Variants in ORC5 observed in about 807,000 individuals in gnomAD.
ORC5 encodes the protein protein phosphatase 1, regulatory subunit 117.
Under a neutral mutation model 58.8 loss-of-function variants are expected in ORC5, and 39 were observed. The ratio of observed to expected loss-of-function variants is 0.66; its 90% CI spans 0.51 to 0.87. The LOEUF is 0.87. Ranked by LOEUF, ORC5 falls within the 40% of genes least tolerant of loss-of-function variation. The pLI is 0.00. For synonymous variants in ORC5, 218 were observed against 177.6 expected, an observed-to-expected ratio of 1.23 and a Z score of -1.81; for missense variants, 493 against 506.3, an observed-to-expected ratio of 0.97 and a Z score of 0.25.
At position 104,207,920 on chromosome 7, in the gene ORC5, CG is replaced by C. The variant is rs143239109; in HGVS notation, c.-17del. 0.017 allele frequency: 27,780 copies of C among 1,613,298 alleles called. 274 individuals are homozygous for C. Among genetic ancestry groups the C allele is most frequent in the Non-Finnish European group, 0.02 (24,109 of 1,179,270 alleles). ...AGTGGGGCATTCTGGCAGGCACCAC[CG>C]CAGAGGCCAGTGCAGCCAGCCCACA... On this transcript the variant is annotated 5_prime_UTR_variant, in exon 1 of 14. Transcript: ENST00000297431.
intron 1 of ORC5, among the ~76,000 whole-genome samples, chr7:104,207,043 T>C (rs1034705884): frequency 1.3e-5 from 2 of 152,192 alleles, no homozygotes; most frequent in African/African-American, 2.4e-5. Flanking sequence ...ATGACTGTAC[T>C]TAAAAAAGCA....
At chr7:104,197,030 CT>C (rs1399504009) in intron 4 of ORC5, among the ~76,000 whole-genome samples, 3 of 152,182 alleles carry the variant, frequency 2.0e-5, no homozygotes, top group Non-Finnish European at 4.4e-5. Context: ...AAGTCCGCCC[CT>C]GTCCTTTTCT....
intron 11 of ORC5, among the ~76,000 whole-genome samples, chr7:104,161,675 T>G (rs1395945800): frequency 6.6e-6 from 1 of 152,066 alleles, no homozygotes; most frequent in East Asian, 1.9e-4. Flanking sequence ...TACCCAGCCA[T>G]GAGCCACCAT....
rs773936634 is a variant in ORC5, at chr7:104,165,269, A to C, written c.1004T>G (p.Ile335Ser). Residue 335 changes from isoleucine to serine, a missense_variant, in exon 11 of 14, where the codon ATC becomes AGC. This residue lies in a region of ORC5 where 412 missense variants were observed against 403.7 expected (regional missense o/e 1.02). Coordinates refer to ENST00000297431, the MANE Select transcript of ORC5 (RefSeq NM_002553.4). Reference protein sequence around the residue: ...KRFFLKHHGKIKKTNFLKKHE... With the variant: ...KRFFLKHHGKSKKTNFLKKHE... The stretch of plus-strand genomic sequence containing the variant: ...TTTTTTTAGAAAGTTGGTTTTCTTG[A>C]TTTTTCCATGATGCTGCAATTAAGG... 2 of 1,531,376 alleles carry C rather than the reference A, an allele frequency of 1.3e-6. No individual in the cohort carries two copies. Among genetic ancestry groups the C allele is most frequent in the Non-Finnish European group, 1.8e-6 (2 of 1,119,208 alleles). 94.9% of individuals were successfully genotyped at this position (1,531,376 alleles called of 1,614,324 possible).
intron 5 of ORC5, among the ~76,000 whole-genome samples, chr7:104,192,651 A>G (rs532156185): frequency 1.3e-5 from 2 of 152,272 alleles, no homozygotes; most frequent in Admixed American, 6.5e-5. Context: ...TACTAGACAC[A>G]TGAAAAAGCA....
In ORC5 at chr7:104,136,788, T is replaced by C. The variant is rs2115751609; in HGVS notation, c.1255A>G (p.Ile419Val). 1 of 1,604,570 alleles carries C rather than the reference T, an allele frequency of 6.2e-7. No individual in the cohort carries two copies. Among genetic ancestry groups the C allele is most frequent in the East Asian group, 2.2e-5 (1 of 44,820 alleles). ...CTVSLDFIRA[I>V]ARTVNFDIIK... is the part of the protein sequence containing the mutation. ...TAATTCAAGACATTTTACCTTGCAA[T>C]AGCTCTGATGAAGTCTAGAGACACT... Residue 419 changes from isoleucine (I) to valine (V), a missense_variant, in exon 13 of 14, where the codon ATT becomes GTT. Physicochemically the swap from Ile to Val is conservative, Grantham distance 29 (BLOSUM62 3). Around this residue, in one of 3 missense-constraint regions of ORC5, gnomAD observed 77 missense variants for 86.1 expected, o/e 0.89. Transcript: ENST00000297431. This position sits in a 1 kb window ranked among gnomAD's most constrained non-coding sequence, Gnocchi z 4.2.
chr7:104,153,231 T>G (rs1433488502), intron 12 of ORC5, among the ~76,000 whole-genome samples: 1 of 152,162 alleles, frequency 6.6e-6, no homozygotes. Flanking sequence ...AGCAGTTTTT[T>G]AAAAAATCTC....
intron 8 of ORC5, among the ~76,000 whole-genome samples, chr7:104,174,064 T>A (rs1394865235): frequency 6.6e-6 from 1 of 151,838 alleles, no homozygotes; most frequent in Non-Finnish European, 1.5e-5. Flanking sequence ...CGGGATGGTC[T>A]CGATCTCCTG....
At chr7:104,150,303 A>G (rs1260093346) in intron 12 of ORC5, among the ~76,000 whole-genome samples, 1 of 152,194 alleles carries the variant, frequency 6.6e-6, no homozygotes, top group Non-Finnish European at 1.5e-5. Flanking sequence ...AATCTGAAAC[A>G]TATTAAATTA....
chr7:104,178,204 C>T (rs955503352), intron 8 of ORC5, among the ~76,000 whole-genome samples: 1 of 152,192 alleles, frequency 6.6e-6, no homozygotes, highest in East Asian at 1.9e-4. Context: ...AAAAGCATTC[C>T]TATTTCTCCA....
Position 104,160,761 on chromosome 7 carries a change from A to G in ORC5, c.1149+311T>C, listed in dbSNP as rs79340571. Among the ~76,000 whole-genome samples the G allele has an allele frequency of 3.7e-4, 56 of 152,232 alleles. No homozygotes were observed. In the East Asian group the frequency reaches 9.8e-3, roughly 27 times the overall value. ...GTTTTCATTAAATTACAATTCATCA[A>G]CTTGGTCATCAAGCCACTTGTTTAA... is the stretch of plus-strand genomic sequence containing the variant. On this transcript the variant is annotated intron_variant, in intron 12 of 13. Transcript: ENST00000297431.
rs757580360 is a variant in ORC5 at position 104,161,121 on chromosome 7, T to A, written c.1100A>T (p.Tyr367Phe). ...AGCAACTCTGCTGTCCACGATACTA[T>A]ATAATATTGCTAATAATCTGTCTAG... ...FPLDRLLAIL[Y>F]SIVDSRVAPT... is the part of the protein sequence containing the mutation. Residue 367 changes from tyrosine to phenylalanine, a missense_variant, in exon 12 of 14, where the codon TAT becomes TTT. Coordinates refer to ENST00000297431, the MANE Select transcript of ORC5 (RefSeq NM_002553.4). 6.2e-7 allele frequency: 1 copy of A among 1,611,030 alleles called. No homozygotes were observed. Among genetic ancestry groups the A allele is most frequent in the Non-Finnish European group, 8.5e-7 (1 of 1,177,456 alleles).
intron 12 of ORC5, among the ~76,000 whole-genome samples, chr7:104,156,902 A>C (rs757884669): frequency 6.6e-6 from 1 of 151,908 alleles, no homozygotes; most frequent in African/African-American, 2.4e-5. Context: ...TAGATATCAC[A>C]GACAGTATTA....
intron 12 of ORC5, among the ~76,000 whole-genome samples, chr7:104,154,290 G>GT (rs1470480379): frequency 6.6e-6 from 1 of 151,950 alleles, no homozygotes; most frequent in African/African-American, 2.4e-5. Context: ...CAAACACTAA[G>GT]TTCAAGGCAT....
In ORC5 at chr7:104,197,708, T is replaced by G; in HGVS notation, c.441+17A>C. 1 of 1,568,874 alleles carries G rather than the reference T, an allele frequency of 6.4e-7. No individual in the cohort carries two copies. The highest frequency in any genetic ancestry group is 8.7e-7 in the Non-Finnish European group (1 of 1,150,662). On this transcript the variant is annotated intron_variant, in intron 4 of 13. Coordinates refer to ENST00000297431, the MANE Select transcript of ORC5 (RefSeq NM_002553.4). ...TGATTAAGTTGTGGGGAGAAAGCAC[T>G]TTCTCACATTACTTACCAATTCTTG...
At position 104,136,762 on chromosome 7, in the gene ORC5, A is replaced by G. The variant is rs1290258902; in HGVS notation, c.1262+19T>C. On this transcript the variant is annotated intron_variant, in intron 13 of 13. Transcript: ENST00000297431. This position sits in a 1 kb window ranked among gnomAD's most constrained non-coding sequence, Gnocchi z 4.2. Reference sequence around the variant, plus strand: ...ATTTTTATATTTAGTATATCATTACATAATTCAAGACATTTTACCTTGCAA... The same window carrying G: ...ATTTTTATATTTAGTATATCATTACGTAATTCAAGACATTTTACCTTGCAA... The G allele has an allele frequency of 1.4e-6, 2 of 1,458,494 alleles. No homozygotes were observed. The highest frequency in any genetic ancestry group is 1.7e-5 in the Admixed American group (1 of 59,690). 90.3% of individuals were successfully genotyped at this position (1,458,494 alleles called of 1,614,324 possible).
At chr7:104,185,643 A>T (rs533560535) in intron 6 of ORC5, among the ~76,000 whole-genome samples, 3 of 152,316 alleles carry the variant, frequency 2.0e-5, no homozygotes, top group South Asian at 4.1e-4. Context: ...ATGTTTAACG[A>T]TCTCTCTAGA....
chr7:104,186,501 G>A (rs1799546649), intron 6 of ORC5, among the ~76,000 whole-genome samples: 2 of 152,044 alleles, frequency 1.3e-5, no homozygotes, highest in Non-Finnish European at 2.9e-5. Flanking sequence ...AGGTTTGTTA[G>A]AGAAAACAAA....
At chr7:104,155,787 A>C (rs770732511) in intron 12 of ORC5, among the ~76,000 whole-genome samples, 19 of 151,438 alleles carry the variant, frequency 1.3e-4, no homozygotes, top group Admixed American at 6.6e-5. Flanking sequence ...ACCTAACTAC[A>C]AGAGTATTTG....
Sources: allele counts gnomAD v4.1 joint callset (sites outside exome capture counted in the v4.1 genomes callset), GRCh38; gene constraint gnomAD v4.1.1; regional missense constraint gnomAD v4.1.1; non-coding constraint Gnocchi (gnomAD v3.1); transcripts MANE v1.5; gene names NCBI Gene and HGNC (gene_info 2026-07-23, HGNC 2026-07-21).